Variants in FLNC observed in about 807,000 individuals in gnomAD.
FLNC encodes filamin C.
Under a neutral mutation model 254.3 loss-of-function variants are expected in FLNC, and 91 were observed. The observed-to-expected ratio is 0.36, with a 90% CI of 0.30 to 0.43. The LOEUF is 0.43. Ranked by LOEUF, FLNC falls within the 20% of genes least tolerant of loss-of-function variation. The pLI is 1.00. For missense variants in FLNC, 2,853 were observed against 3,802.6 expected, an observed-to-expected ratio of 0.75 and a Z score of 6.57; for synonymous variants, 1,430 against 1,577.2, an observed-to-expected ratio of 0.91 and a Z score of 2.21.
Position 128,854,498 on chromosome 7 carries a change from C to G in FLNC, c.6813C>G (p.Asp2271Glu). 1 of 1,604,514 alleles carries G rather than the reference C, an allele frequency of 6.2e-7. No individual in the cohort carries two copies. The highest frequency in any genetic ancestry group is 8.5e-7 in the Non-Finnish European group (1 of 1,176,100). The change falls in exon 41 of 48, where the codon GAC becomes GAG. Residue 2271 changes from aspartate (D) to glutamate (E), a missense_variant. By Grantham distance (45) the Asp-to-Glu change is conservative. Coordinates refer to ENST00000325888, the MANE Select transcript of FLNC (RefSeq NM_001458.5). ...CCGCAGAGATCGTCGAGGGCGAGGA[C>G]AGCGCCTACAGCGTGCGCTTTGTGC... ...VEAAEIVEGEDSAYSVRFVPQ... is the reference protein window; with the variant it reads ...VEAAEIVEGEESAYSVRFVPQ...
rs775641997 is a variant in FLNC, at chr7:128,856,665, C to T, written c.7384+15C>T. 9.3e-6 allele frequency: 15 copies of T among 1,613,322 alleles called. No individual in the cohort carries two copies. The Admixed American group carries it at 1.8e-4, about 20-fold the overall frequency. ...GCTGGACAGTGGTGAGCTGGCCCTG[C>T]CCCTGCCAACTCCCTTCCGGGCTGG... On this transcript the variant is annotated intron_variant, in intron 44 of 47. Coordinates refer to ENST00000325888, the MANE Select transcript of FLNC (RefSeq NM_001458.5). This position sits in a 1 kb window ranked among gnomAD's most constrained non-coding sequence, Gnocchi z 5.9.
intron 21 of FLNC, among the ~76,000 whole-genome samples, chr7:128,845,490 G>C (rs1808523205): frequency 6.6e-6 from 1 of 152,204 alleles, no homozygotes; most frequent in African/African-American, 2.4e-5. Context: ...CTGCCTCTGG[G>C]CGTTTTTCTG....
At chr7:128,850,303 C>A in intron 31 of FLNC, 81 bp from the exon 32 acceptor site, 1 of 1,208,520 alleles carries the variant, frequency 8.3e-7, no homozygotes, top group Non-Finnish European at 1.2e-6. Context: ...GTTCTTTCCT[C>A]ACTCTCCAGC....
Position 128,851,212 on chromosome 7 carries a change from CT to C in FLNC, c.5540-15del, listed in dbSNP as rs751320883. 6.2e-7 allele frequency: 1 copy of C among 1,613,904 alleles called. No individual in the cohort carries two copies. Among genetic ancestry groups the C allele is most frequent in the South Asian group, 1.1e-5 (1 of 91,080 alleles). On this transcript the variant is annotated intron_variant, in intron 33 of 47. Transcript: ENST00000325888. Reference sequence around the variant, plus strand: ...TAATCCCTGATGCTGACCCAGCCCCCTTTTTCTCTGTATCCCCAGGGAGCCC... The same window carrying C: ...TAATCCCTGATGCTGACCCAGCCCCCTTTTCTCTGTATCCCCAGGGAGCCC...
chr7:128,854,350 G>C (rs2128939415), intron 40 of FLNC, 63 bp from the exon 41 acceptor site: 2 of 1,596,008 alleles, frequency 1.3e-6, no homozygotes, highest in South Asian at 2.3e-5. Flanking sequence ...AACTGATGGG[G>C]GAGGGAAGGG....
Position 128,835,827 on chromosome 7 carries a change from G to A in FLNC, c.601+253G>A, listed in dbSNP as rs1298867062. Among the ~76,000 whole-genome samples the A allele has an allele frequency of 6.6e-6, 1 of 152,172 alleles. No individual in the cohort carries two copies. The highest frequency in any genetic ancestry group is 1.5e-5 in the Non-Finnish European group (1 of 68,034). ...CTCATTTTACAGACAAGGACACTAT[G>A]GCCCAGAGAGGGCTGGTGACTTATC... is the stretch of plus-strand genomic sequence containing the variant. On this transcript the variant is annotated intron_variant, in intron 2 of 47. Transcript: ENST00000325888. The surrounding 1 kb of genome is among the most constrained non-coding windows in gnomAD (Gnocchi z 5.3).
Position 128,849,380 on chromosome 7 carries a change from G to T in FLNC, c.5001G>T (p.Thr1667=), listed in dbSNP as rs370711488. 4 of 1,614,022 alleles carry T rather than the reference G, an allele frequency of 2.5e-6. No individual in the cohort carries two copies. The highest frequency in any genetic ancestry group is 3.4e-6 in the Non-Finnish European group (4 of 1,180,040). Residue 1667 remains threonine, a synonymous_variant, in exon 30 of 48, where the codon ACG becomes ACT. Coordinates refer to ENST00000325888, the MANE Select transcript of FLNC (RefSeq NM_001458.5). Reference sequence around the variant, plus strand: ...AGATTGGGCAGGAGACGGTGATCACGGTGGATGCCAAGGCAGCCGGTGAGG... The same window carrying T: ...AGATTGGGCAGGAGACGGTGATCACTGTGGATGCCAAGGCAGCCGGTGAGG... ...RIQIGQETVI[T]VDAKAAGEGK...
Position 128,830,581 on chromosome 7 carries a change from C to G in FLNC, c.-57C>G. 6.7e-7 allele frequency: 1 copy of G among 1,485,790 alleles called. No homozygotes were observed. Among genetic ancestry groups the G allele is most frequent in the Non-Finnish European group, 9.3e-7 (1 of 1,074,250 alleles). The allele number at this position is 1,485,790 out of a possible 1,614,324, so 92.0% of individuals were successfully genotyped here. A position where few individuals can be genotyped will look rare whatever the true frequency, so the allele number is the denominator to read the frequency against. On this transcript the variant is annotated 5_prime_UTR_variant, in exon 1 of 48. Coordinates refer to ENST00000325888, the MANE Select transcript of FLNC (RefSeq NM_001458.5). ...GTCGCGCCCCAACAGCGCCCGACAG[C>G]CCCCGATAGCCCAAACCGCGGCCCT...
intron 1 of FLNC, among the ~76,000 whole-genome samples, chr7:128,833,627 C>A (rs1228716951): frequency 6.6e-6 from 1 of 152,058 alleles, no homozygotes; most frequent in African/African-American, 2.4e-5. Flanking sequence ...CCGCCCCCCC[C>A]AACCCCTGCA....
Position 128,854,077 on chromosome 7 carries a change from G to A in FLNC, c.6588G>A (p.Thr2196=), listed in dbSNP as rs750190004. 7 of 1,613,204 alleles carry A rather than the reference G, an allele frequency of 4.3e-6. No individual in the cohort carries two copies. In the Admixed American group the frequency reaches 6.7e-5, roughly 15 times the overall value. The change falls in exon 40 of 48, where the codon ACG becomes ACA. Residue 2196 remains threonine, a synonymous_variant. Coordinates refer to ENST00000325888, the MANE Select transcript of FLNC (RefSeq NM_001458.5). ...CGGAGCGCACGGAGATCAGCAAGAC[G>A]CGGGGCGGGGAGACAAAGCGCGAGG... The part of the protein sequence containing the change: ...TRTERTEISK[T]RGGETKREVR...
intron 42 of FLNC, 48 bp from the exon 43 acceptor site, chr7:128,855,151 C>T (rs1364888262): frequency 7.2e-7 from 1 of 1,387,314 alleles, no homozygotes; most frequent in African/African-American, 1.4e-5. Flanking sequence ...GGCTCCCGCC[C>T]TGCCAACCTC....
intron 32 of FLNC, 128 bp from the exon 33 acceptor site, chr7:128,850,675 G>T (rs1292910302): frequency 1.4e-5 from 21 of 1,449,826 alleles, no homozygotes; most frequent in Non-Finnish European, 2.0e-5. Context: ...TCAGGCCACT[G>T]CCACAGGCTG....
chr7:128,857,012 T>C lies in FLNC; in HGVS notation c.7561+91T>C. On this transcript the variant is annotated intron_variant, in intron 45 of 47. Coordinates refer to ENST00000325888, the MANE Select transcript of FLNC (RefSeq NM_001458.5). This position sits in a 1 kb window ranked among gnomAD's most constrained non-coding sequence, Gnocchi z 4.5. ...TTTGCTCCAGAGGTAGGGGCCCTGC[T>C]TCCTAAGCCAGGAGTCCCCACAGAG... 3 of 1,576,948 alleles carry C rather than the reference T, an allele frequency of 1.9e-6. No homozygotes were observed. The highest frequency in any genetic ancestry group is 2.6e-6 in the Non-Finnish European group (3 of 1,148,878).
Position 128,857,691 on chromosome 7 carries a change from G to A in FLNC, c.7781-317G>A, listed in dbSNP as rs544979600. On this transcript the variant is annotated intron_variant, in intron 46 of 47. Transcript: ENST00000325888. This position sits in a 1 kb window ranked among gnomAD's most constrained non-coding sequence, Gnocchi z 4.5. ...CCTCTTGAGGCTGTCTGTAGGATGA[G>A]TTGGGTGGGTGTTCCTTTGTAAAGT... Among the ~76,000 whole-genome samples, 46 of 151,926 alleles carry A rather than the reference G, an allele frequency of 3.0e-4. No homozygotes were observed. Among genetic ancestry groups the A allele is most frequent in the African/African-American group, 1.1e-3 (45 of 41,278 alleles).
At chr7:128,843,110 C>G in intron 16 of FLNC, 119 bp from the exon 17 acceptor site, 1 of 1,359,640 alleles carries the variant, frequency 7.4e-7, no homozygotes, top group Non-Finnish European at 1.0e-6. Flanking sequence ...CAAAGGGGGC[C>G]CTTTTGGAGG....
rs1221769888 is a variant in FLNC, at chr7:128,840,626, G to A, written c.1628G>A (p.Gly543Glu). ...TGCGAGTACTACCCGGTGGTGCCTG[G>A]GAAGTATGTGGTGACCATCACGTGG... ...FECEYYPVVP[G>E]KYVVTITWGG... The change falls in exon 10 of 48, where the codon GGG (glycine) becomes GAG (glutamate). Residue 543 changes from glycine (G) to glutamate (E), a missense_variant. Physicochemically the swap from Gly to Glu is moderately conservative, Grantham distance 98. Transcript: ENST00000325888. The A allele has an allele frequency of 1.9e-6, 3 of 1,614,206 alleles. No individual in the cohort carries two copies. The highest frequency in any genetic ancestry group is 2.5e-6 in the Non-Finnish European group (3 of 1,180,028).
chr7:128,851,078 C>T (rs1180665512), intron 33 of FLNC, 135 bp downstream of exon 33: 5 of 1,505,204 alleles, frequency 3.3e-6, no homozygotes, highest in South Asian at 1.1e-5. Flanking sequence ...CCCAGGGAGG[C>T]TTATACCCTG....
chr7:128,845,266 A>G lies in FLNC; in HGVS notation c.3790+11A>G. 6.2e-7 allele frequency: 1 copy of G among 1,607,306 alleles called. No individual in the cohort carries two copies. Among genetic ancestry groups the G allele is most frequent in the Non-Finnish European group, 8.5e-7 (1 of 1,175,288 alleles). ...GTGTTGAGCCACACGGTGAGTGGAC[A>G]GGAGGAGCCAAGAAAGGTCAAGTGG... is the stretch of plus-strand genomic sequence containing the variant. On this transcript the variant is annotated intron_variant, in intron 21 of 47. Coordinates refer to ENST00000325888, the MANE Select transcript of FLNC (RefSeq NM_001458.5).
intron 28 of FLNC, 63 bp downstream of exon 28, chr7:128,849,045 C>T (rs1341013411): frequency 6.3e-7 from 1 of 1,597,760 alleles, no homozygotes; most frequent in African/African-American, 1.3e-5. Context: ...CCCTCCAGAA[C>T]CCTGGCCTGG....
Sources: gnomAD v4.1 joint callset for allele counts (sites outside exome capture counted in the v4.1 genomes callset) on GRCh38, gnomAD v4.1.1 for gene constraint, Gnocchi (gnomAD v3.1) non-coding constraint, MANE v1.5 for transcripts, NCBI Gene and HGNC (gene_info 2026-07-23, HGNC 2026-07-21) for gene names.